MAX: variants seen among roughly 807,000 people sequenced by gnomAD.
The protein encoded by MAX is protein max.
Under a neutral mutation model 22.3 loss-of-function variants are expected in MAX, and 3 were observed. That is an observed-to-expected ratio of 0.13 (90% CI 0.06 to 0.35). MAX has a LOEUF of 0.35. MAX is among the 10% of genes least tolerant of loss of function. The pLI is 1.00. For synonymous variants in MAX, 72 were observed against 77.7 expected (o/e 0.93, Z 0.39); for missense variants, 119 against 209.4 (o/e 0.57, Z 2.66).
chr14:65,032,976 G>C lies in MAX; in HGVS notation c.172-26692C>G, dbSNP rs1018949459. On this transcript the variant is annotated intron_variant, in intron 3 of 3. Transcript: ENST00000341653. This position sits in a 1 kb window ranked among gnomAD's most constrained non-coding sequence, Gnocchi z 5.0. ...ATTTAACCAGTTTTTAGAGCAATTTGACAGTATGTCAAAGGTGCCCTTGCG... is the reference window on the plus strand; with the variant it reads ...ATTTAACCAGTTTTTAGAGCAATTTCACAGTATGTCAAAGGTGCCCTTGCG... 6.6e-6 allele frequency among the ~76,000 whole-genome samples: 1 copy of C among 152,298 alleles called. No individual in the cohort carries two copies. The highest frequency in any genetic ancestry group is 3.4e-3 in the Middle Eastern group (1 of 294).
chr14:65,064,614 A>G (rs922161618), intron 3 of MAX, among the ~76,000 whole-genome samples: 3 of 152,194 alleles, frequency 2.0e-5, no homozygotes, highest in Middle Eastern at 3.2e-3. Context: ...GGCTTTAATC[A>G]AACCAAGTGC....
In MAX at chr14:65,101,789, G is replaced by C. The variant is rs978383499; in HGVS notation, c.37-217C>G. 37 of 578,784 alleles carry C rather than the reference G, an allele frequency of 6.4e-5. No individual in the cohort carries two copies. In the Middle Eastern group the frequency reaches 1.4e-3, roughly 21 times the overall value. The allele number at this position is 578,784 out of a possible 1,614,324, so 35.9% of individuals were successfully genotyped here. A position where few individuals can be genotyped will look rare whatever the true frequency, so the allele number is the denominator to read the frequency against. On this transcript the variant is annotated intron_variant, in intron 1 of 4. Transcript: ENST00000358664. ...GGTCCCGAGCGCCGCCCCTCCTTCC[G>C]GGATCCGACCTGGGCCAGAGGGGTC...
chr14:65,050,465 C>T (rs2062581721), intron 3 of MAX, among the ~76,000 whole-genome samples: 1 of 152,084 alleles, frequency 6.6e-6, no homozygotes, highest in Admixed American at 6.6e-5. Flanking sequence ...GGGGCTTGTA[C>T]CTGTAATCCA....
At chr14:65,068,150 TAAG>T (rs978249919) in intron 3 of MAX, among the ~76,000 whole-genome samples, 5 of 152,262 alleles carry the variant, frequency 3.3e-5, no homozygotes, top group African/African-American at 1.2e-4. Flanking sequence ...AGTCCACGCT[TAAG>T]AAGTGGGGAG....
At chr14:65,073,515 C>A (rs538149873), downstream of MAX, among the ~76,000 whole-genome samples, 24 of 152,254 alleles carry the variant, frequency 1.6e-4, no homozygotes, top group African/African-American at 5.5e-4. Context: ...GGAAATAGCA[C>A]GCTTAACAGA....
At chr14:65,095,308 G>A (rs1595170429) in intron 2 of MAX, among the ~76,000 whole-genome samples, 1 of 152,192 alleles carries the variant, frequency 6.6e-6, no homozygotes, top group African/African-American at 2.4e-5. Flanking sequence ...CACTTCTAAA[G>A]TTGTCCTAAT....
Position 65,093,422 on chromosome 14 carries a change from G to T in MAX, c.171+286C>A, listed in dbSNP as rs2063570340. The T allele has an allele frequency of 4.7e-6, 2 of 429,102 alleles. No individual in the cohort carries two copies. The highest frequency in any genetic ancestry group is 7.0e-5 in the Admixed American group (2 of 28,734). 26.6% of individuals were successfully genotyped at this position (429,102 alleles called of 1,614,324 possible). A position where few individuals can be genotyped will look rare whatever the true frequency, so the allele number is the denominator to read the frequency against. The stretch of plus-strand genomic sequence containing the variant: ...ACTCTTGGCCACTCTTTATACTATA[G>T]TGTATAGTTATAATTTCTTGAATTT... On this transcript the variant is annotated intron_variant, in intron 3 of 4. Coordinates refer to ENST00000358664, the MANE Select transcript of MAX (RefSeq NM_002382.5). The surrounding 1 kb of genome is among the most constrained non-coding windows in gnomAD (Gnocchi z 4.4).
chr14:65,083,539 G>A (rs1164998576), intron 3 of MAX, among the ~76,000 whole-genome samples: 3 of 152,194 alleles, frequency 2.0e-5, no homozygotes, highest in Non-Finnish European at 2.9e-5. Flanking sequence ...AAGAATAGTA[G>A]TGCTAGATTG....
rs751363609 is a variant in MAX at position 65,027,809 on chromosome 14, C to T, written c.172-21525G>A. The T allele has an allele frequency of 2.5e-6, 4 of 1,613,696 alleles. No individual in the cohort carries two copies. The Admixed American group carries it at 5.0e-5, about 20-fold the overall frequency. Reference sequence around the variant, plus strand: ...GAGTGGGGTTTTGCACAGGCTGCCACATCAGTTGACTCTAGAGCTCATCTG... The same window carrying T: ...GAGTGGGGTTTTGCACAGGCTGCCATATCAGTTGACTCTAGAGCTCATCTG... On this transcript the variant is annotated intron_variant, in intron 3 of 3. Coordinates refer to the MAX transcript ENST00000341653. This position sits in a 1 kb window ranked among gnomAD's most constrained non-coding sequence, Gnocchi z 5.7.
At chr14:65,073,412 T>C (rs1230393829), downstream of MAX, among the ~76,000 whole-genome samples, 2 of 152,182 alleles carry the variant, frequency 1.3e-5, no homozygotes, top group East Asian at 3.8e-4. Flanking sequence ...ACCTAAGAAG[T>C]TGTTGATGTT....
In MAX at chr14:65,007,430, C is replaced by T. The variant is rs1186358889; in HGVS notation, c.172-1146G>A. On this transcript the variant is annotated intron_variant, in intron 3 of 3. Transcript: ENST00000341653. The surrounding 1 kb of genome is among the most constrained non-coding windows in gnomAD (Gnocchi z 4.9). ...CACACACATGCCCAGGACCACAGACCACGCACAGGTCCAGGGATGCCTGTG... is the reference window on the plus strand; with the variant it reads ...CACACACATGCCCAGGACCACAGACTACGCACAGGTCCAGGGATGCCTGTG... Among the ~76,000 whole-genome samples, 2 of 152,208 alleles carry T rather than the reference C, an allele frequency of 1.3e-5. No homozygotes were observed. Among genetic ancestry groups the T allele is most frequent in the Admixed American group, 6.5e-5 (1 of 15,292 alleles).
chr14:65,006,592 G>T (rs2061596237), intron 3 of MAX, among the ~76,000 whole-genome samples: 1 of 152,144 alleles, frequency 6.6e-6, no homozygotes, highest in Non-Finnish European at 1.5e-5. Flanking sequence ...CTTTTGGAGG[G>T]GCTTTGTTGT....
chr14:65,056,310 C>G (rs1353718853), intron 3 of MAX, among the ~76,000 whole-genome samples: 1 of 152,148 alleles, frequency 6.6e-6, no homozygotes, highest in South Asian at 2.1e-4. Context: ...TCTCTGTTCT[C>G]CTGCTAGTTA....
In MAX at chr14:65,084,461, T is replaced by C. The variant is rs1048194781; in HGVS notation, c.172-6425A>G. 6.6e-6 allele frequency among the ~76,000 whole-genome samples: 1 copy of C among 151,438 alleles called. No homozygotes were observed. Among genetic ancestry groups the C allele is most frequent in the Non-Finnish European group, 1.5e-5 (1 of 67,826 alleles). On this transcript the variant is annotated intron_variant, in intron 3 of 4. Coordinates refer to ENST00000358664, the MANE Select transcript of MAX (RefSeq NM_002382.5). This position sits in a 1 kb window ranked among gnomAD's most constrained non-coding sequence, Gnocchi z 4.3. Reference sequence around the variant, plus strand: ...AAAACACTACCAAAAGACTACTCTTTAGAATTTGCTTGAAAAAAAGAAAGA... The same window carrying C: ...AAAACACTACCAAAAGACTACTCTTCAGAATTTGCTTGAAAAAAAGAAAGA...
At chr14:65,089,845 C>T (rs1358102788) in intron 3 of MAX, 2 of 131,748 alleles carry the variant, frequency 1.5e-5, no homozygotes, top group Non-Finnish European at 3.2e-5. Flanking sequence ...TACTCCATTA[C>T]TCTGGTTGGC....
At position 65,028,642 on chromosome 14, in the gene MAX, A is replaced by G. The variant is rs985797761; in HGVS notation, c.172-22358T>C. Among the ~76,000 whole-genome samples the G allele has an allele frequency of 1.3e-5, 2 of 152,234 alleles. No homozygotes were observed. Among genetic ancestry groups the G allele is most frequent in the Non-Finnish European group, 2.9e-5 (2 of 68,044 alleles). On this transcript the variant is annotated intron_variant, in intron 3 of 3. Coordinates refer to the MAX transcript ENST00000341653. The surrounding 1 kb of genome is among the most constrained non-coding windows in gnomAD (Gnocchi z 4.4). ...TTGTGGAGCATAAAATACATTACAGATAATAGGTAATCAGGCTGCAAAGGC... is the reference window on the plus strand; with the variant it reads ...TTGTGGAGCATAAAATACATTACAGGTAATAGGTAATCAGGCTGCAAAGGC...
At chr14:65,045,418 C>G (rs563451844) in intron 3 of MAX, among the ~76,000 whole-genome samples, 17 of 143,910 alleles carry the variant, frequency 1.2e-4, no homozygotes, top group African/African-American at 2.8e-4. Flanking sequence ...CGTCTTCCCC[C>G]CTCCCCGCCG....
In MAX at chr14:65,054,498, C is replaced by A; in HGVS notation, c.171+39210G>T. The A allele has an allele frequency of 1.4e-6, 2 of 1,418,540 alleles. No homozygotes were observed. The highest frequency in any genetic ancestry group is 2.5e-5 in the South Asian group (2 of 79,858). 87.9% of individuals were successfully genotyped at this position (1,418,540 alleles called of 1,614,324 possible). A position where few individuals can be genotyped will look rare whatever the true frequency, so the allele number is the denominator to read the frequency against. On this transcript the variant is annotated intron_variant, in intron 3 of 3. Coordinates refer to the MAX transcript ENST00000341653. The surrounding 1 kb of genome is among the most constrained non-coding windows in gnomAD (Gnocchi z 4.4). ...GGGGACGTGTGATTGCACCAGTGGT[C>A]TCTGAATTGGTGTGGCTACATTTGT... is the stretch of plus-strand genomic sequence containing the variant.
rs1341308024 is a variant in MAX, at chr14:65,069,768, T to G, written c.171+23940A>C. Among the ~76,000 whole-genome samples the G allele has an allele frequency of 6.6e-6, 1 of 152,134 alleles. No individual in the cohort carries two copies. Among genetic ancestry groups the G allele is most frequent in the Admixed American group, 6.5e-5 (1 of 15,270 alleles). ...CCACTGACTCTGTGGGGGCTCCCAGTTGGAAATACTTGCTCACCACCACTC... is the reference window on the plus strand; with the variant it reads ...CCACTGACTCTGTGGGGGCTCCCAGGTGGAAATACTTGCTCACCACCACTC... On this transcript the variant is annotated intron_variant, in intron 3 of 3. Transcript: ENST00000341653. The surrounding 1 kb of genome is among the most constrained non-coding windows in gnomAD (Gnocchi z 4.6).
Sources: gnomAD v4.1 joint callset for allele counts (sites outside exome capture counted in the v4.1 genomes callset) on GRCh38, gnomAD v4.1.1 for gene constraint, Gnocchi (gnomAD v3.1) non-coding constraint, MANE v1.5 for transcripts, NCBI Gene and HGNC (gene_info 2026-07-23, HGNC 2026-07-21) for gene names.